TCERG1: variants seen among roughly 807,000 people sequenced by gnomAD.
The protein encoded by TCERG1 is TATA box binding protein (TBP)-associated factor, RNA polymerase II, S, 150kD.
In TCERG1, 37 loss-of-function variants were observed where a neutral mutation model predicts 144.7. The observed-to-expected ratio is 0.26, with a 90% confidence interval of 0.20 to 0.34. The LOEUF (loss-of-function observed/expected upper bound fraction) is 0.34, where lower values mean the gene tolerates loss of function less well. Ranked by LOEUF, TCERG1 falls within the 10% of genes least tolerant of loss-of-function variation. The probability of loss-of-function intolerance (pLI) is 1.00; values close to 1 mark genes in which losing one functional copy is unlikely to be tolerated. For synonymous variants in TCERG1, 492 were observed against 458.2 expected (o/e 1.07, Z -0.94); for missense variants, 1,027 against 1,380.7 (o/e 0.74, Z 4.06).
At chr5:146,461,687 T>G (rs1763339812) in intron 4 of TCERG1, among the ~76,000 whole-genome samples, 1 of 152,188 alleles carries the variant, frequency 6.6e-6, no homozygotes, top group Admixed American at 6.5e-5. Flanking sequence ...GTACTTTGGA[T>G]CACAATTTTA....
intron 5 of TCERG1, among the ~76,000 whole-genome samples, chr5:146,464,652 C>T (rs1030753646): frequency 2.6e-5 from 4 of 152,130 alleles, no homozygotes; most frequent in Non-Finnish European, 4.4e-5. Flanking sequence ...GGTTCATTCT[C>T]CTTGTGTTAT....
At chr5:146,469,498 T>C (rs768293656) in intron 6 of TCERG1, 46 bp from the exon 7 acceptor site, 2 of 1,467,306 alleles carry the variant, frequency 1.4e-6, no homozygotes, top group Non-Finnish European at 1.8e-6. Flanking sequence ...TTATTTTGTA[T>C]TGCGGTTTGA....
intron 1 of TCERG1, among the ~76,000 whole-genome samples, chr5:146,450,206 A>G (rs559209858): frequency 2.6e-5 from 4 of 152,248 alleles, no homozygotes; most frequent in African/African-American, 9.6e-5. Context: ...CGAAAACTCA[A>G]ATTAGGAATA....
At chr5:146,454,933 G>A (rs1762697860) in intron 1 of TCERG1, 123 bp from the exon 2 acceptor site, 9 of 1,026,934 alleles carry the variant, frequency 8.8e-6, no homozygotes, top group African/African-American at 6.5e-5. Context: ...GTTGCAAAAT[G>A]ATGACTTTCC....
At chr5:146,461,054 C>A (rs568476266) in intron 4 of TCERG1, among the ~76,000 whole-genome samples, 1 of 151,970 alleles carries the variant, frequency 6.6e-6, no homozygotes, top group East Asian at 1.9e-4. Flanking sequence ...AGTAGTGCTT[C>A]GTTTTGTTTT....
chr5:146,469,011 G>A (rs1031843359), intron 6 of TCERG1, among the ~76,000 whole-genome samples: 1 of 151,758 alleles, frequency 6.6e-6, no homozygotes, highest in Non-Finnish European at 1.5e-5. Context: ...GACGAGCTTT[G>A]CTTTCTCTTA....
At chr5:146,478,843 T>C (rs1394309848) in intron 10 of TCERG1, among the ~76,000 whole-genome samples, 190 bp downstream of exon 10, 1 of 152,146 alleles carries the variant, frequency 6.6e-6, no homozygotes, top group Non-Finnish European at 1.5e-5. Context: ...TGGATAAGAT[T>C]GTGCTTTGTA....
At position 146,469,004 on chromosome 5, in the gene TCERG1, G is replaced by A. The variant is rs866617247; in HGVS notation, c.1199-540G>A. On this transcript the variant is annotated intron_variant, in intron 6 of 22. Coordinates refer to ENST00000679501, the MANE Select transcript of TCERG1 (RefSeq NM_001382548.1). The stretch of plus-strand genomic sequence containing the variant: ...TTGGTTTGTCTTCTAAAAAGTAGAC[G>A]AGCTTTGCTTTCTCTTAGGAAAAGA... 5.3e-5 allele frequency among the ~76,000 whole-genome samples: 8 copies of A among 151,956 alleles called. No homozygotes were observed. The South Asian group carries it at 6.2e-4, about 12-fold the overall frequency.
At position 146,483,554 on chromosome 5, in the gene TCERG1, A is replaced by G; in HGVS notation, c.2088A>G (p.Ser696=). The stretch of plus-strand genomic sequence containing the variant: ...TTATTTTAAAGGTGTCTGCTTTTTC[A>G]ACGTGGGAGAAGGAGTTGCACAAGA... ...MLLERGVSAF[S]TWEKELHKIV... is the part of the protein sequence containing the mutation. Residue 696 remains serine (S), a synonymous_variant, in exon 15 of 23, where the codon TCA becomes TCG. Coordinates refer to ENST00000679501, the MANE Select transcript of TCERG1 (RefSeq NM_001382548.1). 6.2e-7 allele frequency: 1 copy of G among 1,612,356 alleles called. No homozygotes were observed. The highest frequency in any genetic ancestry group is 8.5e-7 in the Non-Finnish European group (1 of 1,179,074).
In TCERG1 at chr5:146,503,521, C is replaced by A. The variant is rs1451869283; in HGVS notation, c.2580C>A (p.Tyr860Ter). 6.2e-7 allele frequency: 1 copy of A among 1,612,828 alleles called. No homozygotes were observed. Among genetic ancestry groups the A allele is most frequent in the African/African-American group, 1.3e-5 (1 of 74,932 alleles). Residue 860 changes from tyrosine (Y) to a stop codon, truncating the protein, a stop_gained, in exon 18 of 23, where the codon TAC becomes TAA. Transcript: ENST00000679501. LOFTEE classifies it high-confidence loss of function. Reference sequence around the variant, plus strand: ...TGAGAGAAGACCTTTTCAAACAGTACATTGAAAAAATAGCCAAGGTAACTG... The same window carrying A: ...TGAGAGAAGACCTTTTCAAACAGTAAATTGAAAAAATAGCCAAGGTAACTG... ...SSMREDLFKQYIEKIAKNLDS... is the reference protein window; with the variant it reads ...SSMREDLFKQ
intron 1 of TCERG1, among the ~76,000 whole-genome samples, chr5:146,453,080 T>A (rs1762499873): frequency 6.6e-6 from 1 of 152,200 alleles, no homozygotes; most frequent in Admixed American, 6.5e-5. Context: ...CTTTTAGGAG[T>A]TAATAATTCT....
intron 1 of TCERG1, among the ~76,000 whole-genome samples, chr5:146,448,121 C>T (rs981635320): frequency 6.6e-6 from 1 of 151,200 alleles, no homozygotes; most frequent in African/African-American, 2.4e-5. Flanking sequence ...AGGCCACAGA[C>T]CAGAGGGGTC....
intron 4 of TCERG1, among the ~76,000 whole-genome samples, chr5:146,462,756 A>G (rs1417215535): frequency 6.6e-6 from 1 of 152,176 alleles, no homozygotes. Context: ...CTGTGAGGTT[A>G]ATTCATCAAA....
intron 7 of TCERG1, among the ~76,000 whole-genome samples, chr5:146,470,147 A>G (rs554070135): frequency 9.2e-5 from 14 of 152,294 alleles, no homozygotes; most frequent in East Asian, 1.9e-4. Flanking sequence ...ATAATTTTCT[A>G]TATCACAAGC....
rs758130151 is a variant in TCERG1, at chr5:146,455,172, C to T, written c.176C>T (p.Pro59Leu). The change falls in exon 2 of 23, where the codon CCT becomes CTT. Residue 59 changes from proline (P) to leucine (L), a missense_variant. By Grantham distance (98) the Pro-to-Leu change is moderately conservative. This residue lies in a region of TCERG1 where 175 missense variants were observed against 197.0 expected (regional missense o/e 0.89). Transcript: ENST00000679501. ...PPPPFGMMRG[P>L]PPPPRPPFGR... The stretch of plus-strand genomic sequence containing the variant: ...CCACCTTTTGGTATGATGCGAGGCC[C>T]TCCTCCACCACCACGGCCGCCCTTT... The T allele has an allele frequency of 1.1e-5, 18 of 1,614,216 alleles. No homozygotes were observed. Among genetic ancestry groups the T allele is most frequent in the Non-Finnish European group, 1.3e-5 (15 of 1,180,040 alleles).
intron 16 of TCERG1, 22 bp from the exon 17 acceptor site, chr5:146,498,514 C>T (rs761649037): frequency 5.7e-6 from 9 of 1,590,190 alleles, no homozygotes; most frequent in Non-Finnish European, 6.8e-6. Flanking sequence ...CCAAAGTTAG[C>T]ACACTTGTAA....
In TCERG1 at chr5:146,459,265, A is replaced by G; in HGVS notation, c.820A>G (p.Thr274Ala). The G allele has an allele frequency of 6.2e-7, 1 of 1,614,264 alleles. No individual in the cohort carries two copies. Among genetic ancestry groups the G allele is most frequent in the Non-Finnish European group, 8.5e-7 (1 of 1,180,040 alleles). ...CCCAGCACCTGCAGTATCCACTTCAACATCATCATCCACCCCTTCCTCTAC... is the reference window on the plus strand; with the variant it reads ...CCCAGCACCTGCAGTATCCACTTCAGCATCATCATCCACCCCTTCCTCTAC... ...SSPAPAVSTS[T>A]SSSTPSSTTS... Residue 274 changes from threonine to alanine, a missense_variant, in exon 4 of 23, where the codon ACA (threonine) becomes GCA (alanine). Physicochemically the swap from Thr to Ala is moderately conservative, Grantham distance 58 (BLOSUM62 0). This residue lies in a region of TCERG1 where 187 missense variants were observed against 169.1 expected (regional missense o/e 1.11). Transcript: ENST00000679501.
At chr5:146,493,145 G>T (rs1198270060) in intron 16 of TCERG1, 107 bp downstream of exon 16, 4 of 793,452 alleles carry the variant, frequency 5.0e-6, no homozygotes, top group South Asian at 3.7e-5. Flanking sequence ...GGCACTAAAA[G>T]CTCCTTATTT....
At chr5:146,470,562 T>C in intron 7 of TCERG1, 74 bp from the exon 8 acceptor site, 1 of 1,208,572 alleles carries the variant, frequency 8.3e-7, no homozygotes, top group Non-Finnish European at 1.2e-6. Context: ...AATATCTTAA[T>C]GGCTTATTCT....
Sources: gnomAD v4.1 joint callset for allele counts (sites outside exome capture counted in the v4.1 genomes callset) on GRCh38, gnomAD v4.1.1 for gene constraint, gnomAD v4.1.1 regional missense constraint, MANE v1.5 for transcripts, NCBI Gene and HGNC (gene_info 2026-07-23, HGNC 2026-07-21) for gene names.